The following PTK2 variants were observed in gnomAD, a reference collection of about 807,000 sequenced individuals.
PTK2 encodes the protein protein tyrosine kinase 2.
Under a neutral mutation model 150.1 loss-of-function variants are expected in PTK2, and 45 were observed. The ratio of observed to expected loss-of-function variants is 0.30; its 90% CI spans 0.24 to 0.38. PTK2 has a LOEUF of 0.38. PTK2 is among the 10% of genes least tolerant of loss of function. PTK2 has a pLI of 1.00. For missense variants in PTK2, 919 were observed against 1,307.3 expected, an observed-to-expected ratio of 0.70 and a Z score of 4.58; for synonymous variants, 432 against 449.2, an observed-to-expected ratio of 0.96 and a Z score of 0.48.
chr8:140,803,460 A>T (rs1391651511), intron 11 of PTK2, 83 bp downstream of exon 11: 1 of 1,131,302 alleles, frequency 8.8e-7, no homozygotes. Context: ...TAAAAACTTC[A>T]TCCTTTTCAT....
intron 27 of PTK2, among the ~76,000 whole-genome samples, chr8:140,681,251 G>A (rs1161328027): frequency 6.6e-6 from 1 of 151,844 alleles, no homozygotes; most frequent in Non-Finnish European, 1.5e-5. Flanking sequence ...TACTTGGGAG[G>A]CTGAGGCAGG....
intron 1 of PTK2, among the ~76,000 whole-genome samples, chr8:140,987,252 C>G (rs2100193634): frequency 1.3e-5 from 2 of 152,198 alleles, no homozygotes; most frequent in Non-Finnish European, 2.9e-5. Flanking sequence ...ACAATCTCGG[C>G]TGACTGCAAC....
At chr8:140,927,515 C>G (rs980605272) in intron 1 of PTK2, 33 of 152,180 alleles carry the variant, frequency 2.2e-4, no homozygotes, top group African/African-American at 8.0e-4. Flanking sequence ...GCCTGGGGGT[C>G]TGATGGTGTC....
At chr8:140,817,086 G>C (rs1054157484) in intron 10 of PTK2, among the ~76,000 whole-genome samples, 121 of 152,270 alleles carry the variant, frequency 7.9e-4, no homozygotes, top group African/African-American at 2.8e-3. Context: ...GGGAGGAAGG[G>C]GCAAAGAAAG....
At chr8:140,783,053 A>T (rs2100082790) in intron 14 of PTK2, among the ~76,000 whole-genome samples, 1 of 152,122 alleles carries the variant, frequency 6.6e-6, no homozygotes, top group Non-Finnish European at 1.5e-5. Context: ...AGCCTGGGCA[A>T]CATAGGGAGA....
intron 12 of PTK2, among the ~76,000 whole-genome samples, chr8:140,796,680 T>C (rs2100091792): frequency 6.6e-6 from 1 of 152,058 alleles, no homozygotes; most frequent in Non-Finnish European, 1.5e-5. Context: ...TACAGAAAAA[T>C]GGCAACAGAC....
chr8:140,691,451 T>C (rs1315700823), intron 26 of PTK2, among the ~76,000 whole-genome samples: 1 of 152,218 alleles, frequency 6.6e-6, no homozygotes, highest in Admixed American at 6.5e-5. Context: ...AACCAATTCA[T>C]AAAGAAAATA....
intron 30 of PTK2, among the ~76,000 whole-genome samples, chr8:140,667,828 G>A (rs921515035): frequency 6.6e-6 from 1 of 152,108 alleles, no homozygotes; most frequent in Non-Finnish European, 1.5e-5. Flanking sequence ...TTACAGGTGC[G>A]GGATCTGAAT....
intron 1 of PTK2, among the ~76,000 whole-genome samples, chr8:140,964,230 T>C (rs943110630): frequency 1.3e-5 from 2 of 152,116 alleles, no homozygotes; most frequent in Non-Finnish European, 2.9e-5. Context: ...AATCAATAAT[T>C]TGCCTGTTTT....
At chr8:140,703,076 T>A (rs1167266790) in intron 24 of PTK2, among the ~76,000 whole-genome samples, 1 of 152,032 alleles carries the variant, frequency 6.6e-6, no homozygotes, top group Non-Finnish European at 1.5e-5. Flanking sequence ...CCAGGCACGG[T>A]GGCTCTAGCC....
intron 22 of PTK2, among the ~76,000 whole-genome samples, chr8:140,722,510 C>G (rs1490460961): frequency 6.6e-6 from 1 of 152,156 alleles, no homozygotes; most frequent in Non-Finnish European, 1.5e-5. Context: ...TGGAGTGATC[C>G]TCCCACCTCA....
At chr8:140,977,579 A>G (rs1485273402) in intron 1 of PTK2, among the ~76,000 whole-genome samples, 2 of 150,570 alleles carry the variant, frequency 1.3e-5, no homozygotes, top group Non-Finnish European at 3.0e-5. Context: ...ACGAGACAGC[A>G]CCACTCCCCT....
chr8:140,769,514 ATATT>A, intron 14 of PTK2, 57 bp downstream of exon 16: 1 of 1,142,000 alleles, frequency 8.8e-7, no homozygotes, highest in Non-Finnish European at 1.2e-6. Flanking sequence ...ATACTAAACT[ATATT>A]TATTTTCATA....
At chr8:140,861,865 AT>A (rs1209427308) in intron 5 of PTK2, among the ~76,000 whole-genome samples, 3 of 152,046 alleles carry the variant, frequency 2.0e-5, no homozygotes. Context: ...CTTGATCAGA[AT>A]TTTTTTTAGA....
At chr8:140,829,288 TG>T (rs11316427) in intron 8 of PTK2, among the ~76,000 whole-genome samples, 88,187 of 152,022 alleles carry the variant, frequency 0.58, 27,193 homozygotes, top group African/African-American at 0.79. Flanking sequence ...GAAGGGATAC[TG>T]TTACTTTCTG....
At chr8:140,833,107 A>G (rs767498388) in intron 7 of PTK2, 4 of 516,624 alleles carry the variant, frequency 7.7e-6, no homozygotes, top group Admixed American at 3.9e-5. Context: ...GAAAGGAAGC[A>G]TATGTTTTTT....
chr8:140,832,324 G>T (rs1267102855), intron 7 of PTK2, among the ~76,000 whole-genome samples: 1 of 152,158 alleles, frequency 6.6e-6, no homozygotes, highest in Non-Finnish European at 1.5e-5. Flanking sequence ...CAAAGCGCTG[G>T]GATTACAGGC....
At chr8:140,966,712 T>C (rs568236380) in intron 1 of PTK2, among the ~76,000 whole-genome samples, 76 of 152,346 alleles carry the variant, frequency 5.0e-4, no homozygotes, top group African/African-American at 1.7e-3. Context: ...TACAATGATA[T>C]ACATGTTTAT....
At chr8:140,731,257 G>A (rs780332645) in intron 22 of PTK2, among the ~76,000 whole-genome samples, 8 of 152,158 alleles carry the variant, frequency 5.3e-5, no homozygotes, top group Non-Finnish European at 1.0e-4. Context: ...ACTGCGCCCG[G>A]CTAAATGATT....
Sources: gnomAD v4.1 joint callset for allele counts (sites outside exome capture counted in the v4.1 genomes callset) on GRCh38, gnomAD v4.1.1 for gene constraint, MANE v1.5 for transcripts, NCBI Gene and HGNC (gene_info 2026-07-23, HGNC 2026-07-21) for gene names.